Variants in UBE2O observed in about 807,000 individuals in gnomAD.
UBE2O encodes (E3-independent) E2 ubiquitin-conjugating enzyme.
A neutral mutation model predicts 125.8 loss-of-function variants in UBE2O; 15 were observed. The ratio of observed to expected loss-of-function variants is 0.12; its 90% confidence interval spans 0.08 to 0.18. UBE2O has a LOEUF of 0.18. Ranked by LOEUF, UBE2O falls within the 10% of genes least tolerant of loss-of-function variation. The pLI is 1.00. For synonymous variants in UBE2O, 708 were observed against 703.2 expected (o/e 1.01, Z -0.11); for missense variants, 1,280 against 1,723.6 (o/e 0.74, Z 4.56).
intron 3 of UBE2O, among the ~76,000 whole-genome samples, chr17:76,403,547 C>T (rs2072366417): frequency 6.6e-6 from 1 of 152,098 alleles, no homozygotes; most frequent in Non-Finnish European, 1.5e-5. Context: ...GTTGGGATTA[C>T]AGGGGTGAGC....
intron 1 of UBE2O, among the ~76,000 whole-genome samples, chr17:76,424,204 G>T (rs1318723563): frequency 6.0e-5 from 6 of 99,904 alleles, no homozygotes; most frequent in African/African-American, 2.0e-4. Context: ...CACCGCGCCC[G>T]GCCTTTTTTT....
Position 76,392,028 on chromosome 17 carries a change from A to C in UBE2O, c.3032T>G (p.Ile1011Ser), listed in dbSNP as rs577027726. 6.9e-7 allele frequency: 1 copy of C among 1,450,708 alleles called. No homozygotes were observed. Among genetic ancestry groups the C allele is most frequent in the East Asian group, 3.0e-5 (1 of 32,892 alleles). 89.9% of individuals were successfully genotyped at this position (1,450,708 alleles called of 1,614,324 possible). The change falls in exon 16 of 18, where the codon ATC (isoleucine) becomes AGC (serine). Residue 1011 changes from isoleucine to serine, a missense_variant. Ile to Ser is a moderately radical substitution (Grantham distance 142, BLOSUM62 -2). Coordinates refer to ENST00000319380, the MANE Select transcript of UBE2O (RefSeq NM_022066.4). ...LYLFDIQLPN[I>S]YPAVPPHFCY... is the part of the protein sequence containing the mutation. ...GAAGTGGGGGGGCACGGCTGGGTAG[A>C]TGTTGGGGAGCTGGATGTCAAACAA...
chr17:76,415,427 A>G (rs530473972), intron 1 of UBE2O, among the ~76,000 whole-genome samples: 73 of 152,286 alleles, frequency 4.8e-4, no homozygotes, highest in African/African-American at 1.6e-3. Context: ...TGTTTTGCTC[A>G]CCTGCCCTTC....
At chr17:76,447,762 C>T (rs957741389) in intron 1 of UBE2O, among the ~76,000 whole-genome samples, 4 of 152,176 alleles carry the variant, frequency 2.6e-5, no homozygotes, top group African/African-American at 9.7e-5. Context: ...CCTGAAACAA[C>T]CACCTTCCCC....
chr17:76,437,449 CAA>C (rs549634787), intron 1 of UBE2O, among the ~76,000 whole-genome samples: 5 of 58,374 alleles, frequency 8.6e-5, no homozygotes, highest in Non-Finnish European at 1.5e-4. Flanking sequence ...GATTCCATCT[CAA>C]AAAAAAAAAA....
chr17:76,438,863 A>G (rs921248711), intron 1 of UBE2O, among the ~76,000 whole-genome samples: 25 of 152,130 alleles, frequency 1.6e-4, no homozygotes, highest in African/African-American at 4.8e-4. Flanking sequence ...ACTCCACGCC[A>G]TGCATGCATA....
At chr17:76,420,352 G>C (rs1212967816) in intron 1 of UBE2O, among the ~76,000 whole-genome samples, 2 of 152,136 alleles carry the variant, frequency 1.3e-5, no homozygotes, top group Non-Finnish European at 2.9e-5. Context: ...GGAGCAGGGG[G>C]CTATGGAAGT....
intron 1 of UBE2O, among the ~76,000 whole-genome samples, chr17:76,446,121 G>A (rs959006826): frequency 5.9e-5 from 9 of 152,274 alleles, no homozygotes; most frequent in Non-Finnish European, 8.8e-5. Flanking sequence ...ACTCCCCATC[G>A]CCATCCAGAA....
intron 1 of UBE2O, among the ~76,000 whole-genome samples, chr17:76,442,378 G>T (rs928586779): frequency 6.6e-6 from 1 of 152,174 alleles, no homozygotes; most frequent in Admixed American, 6.5e-5. Flanking sequence ...CGGGGGGTGG[G>T]AGACAGAGTG....
rs188550576 is a variant in UBE2O, at chr17:76,429,625, G to A, written c.417+23100C>T. ...ACCCTGTGAACATAAGCAAGGCTCT[G>A]GACAGGTGAGGACCACATTAGATGG... On this transcript the variant is annotated intron_variant, in intron 1 of 17. Coordinates refer to ENST00000319380, the MANE Select transcript of UBE2O (RefSeq NM_022066.4). 1.2e-4 allele frequency among the ~76,000 whole-genome samples: 19 copies of A among 152,008 alleles called. No individual in the cohort carries two copies. In the East Asian group the frequency reaches 2.9e-3, roughly 23 times the overall value.
chr17:76,390,961 C>T lies in UBE2O; in HGVS notation c.3861G>A (p.Glu1287=), dbSNP rs769969299. The change falls in exon 18 of 18, where the codon GAG becomes GAA. Residue 1287 remains glutamate, a synonymous_variant. Coordinates refer to ENST00000319380, the MANE Select transcript of UBE2O (RefSeq NM_022066.4). ...CTGGCAGCTACTTGTCCTCTGTGCA[C>T]TCCGGCATGCCTGCCTCTAGCAGGG... ...RAALLEAGMP[E]CTEDK 19 of 1,609,704 alleles carry T rather than the reference C, an allele frequency of 1.2e-5. No homozygotes were observed. Among genetic ancestry groups the T allele is most frequent in the South Asian group, 5.5e-5 (5 of 90,394 alleles).
chr17:76,443,594 A>AT lies in UBE2O; in HGVS notation c.417+9130dup, dbSNP rs5822135. ...GTGAGCCACTGTGCCCAGTCAGAAC[A>AT]TTTTTTTTTTTTTTAAGTCCACAGA... On this transcript the variant is annotated intron_variant, in intron 1 of 17. Coordinates refer to ENST00000319380, the MANE Select transcript of UBE2O (RefSeq NM_022066.4). 1.1e-3 allele frequency among the ~76,000 whole-genome samples: 162 copies of AT among 150,074 alleles called. 2 individuals carry two copies. The highest frequency in any genetic ancestry group is 1.3e-3 in the South Asian group (6 of 4,768).
intron 1 of UBE2O, among the ~76,000 whole-genome samples, chr17:76,440,261 T>C (rs2073057668): frequency 6.6e-6 from 1 of 152,250 alleles, no homozygotes; most frequent in African/African-American, 2.4e-5. Flanking sequence ...ATATGAGTTA[T>C]ATGTTGATAT....
rs778511049 is a variant in UBE2O at position 76,390,946 on chromosome 17, C to T, written c.3876G>A (p.Lys1292=). ...CTCTTTCCTCTGTGCCTGGCAGCTA[C>T]TTGTCCTCTGTGCACTCCGGCATGC... ...EAGMPECTED[K] Residue 1292 remains lysine, a synonymous_variant, in exon 18 of 18, where the codon AAG becomes AAA. Coordinates refer to ENST00000319380, the MANE Select transcript of UBE2O (RefSeq NM_022066.4). The T allele has an allele frequency of 3.1e-6, 5 of 1,600,824 alleles. No homozygotes were observed. The Admixed American group carries it at 5.1e-5, about 16-fold the overall frequency.
intron 1 of UBE2O, among the ~76,000 whole-genome samples, chr17:76,443,898 T>A (rs150051080): frequency 1.3e-5 from 2 of 152,096 alleles, no homozygotes; most frequent in East Asian, 3.9e-4. Flanking sequence ...TCTGGTATAA[T>A]AGAACCCCAA....
chr17:76,401,880 A>AG, intron 5 of UBE2O, 184 bp downstream of exon 5: 1 of 413,250 alleles, frequency 2.4e-6, no homozygotes, highest in East Asian at 4.3e-5. Flanking sequence ...TCTCAAAAAA[A>AG]AAAAAAAAAA....
At chr17:76,408,591 T>C (rs1050565786) in intron 1 of UBE2O, among the ~76,000 whole-genome samples, 1 of 152,222 alleles carries the variant, frequency 6.6e-6, no homozygotes, top group African/African-American at 2.4e-5. Flanking sequence ...CTTCTGCTTA[T>C]GAAAGAAAGA....
In UBE2O at chr17:76,396,206, G is replaced by A; in HGVS notation, c.2731C>T (p.Gln911Ter). Reference sequence around the variant, plus strand: ...ACGCCAGGCTTGCCGCCACACTGCTGGCACAGCACCGGGGTTTCGCTGGGC... The same window carrying A: ...ACGCCAGGCTTGCCGCCACACTGCTAGCACAGCACCGGGGTTTCGCTGGGC... Reference protein sequence around the residue: ...EWPSETPVLCQQCGGKPGVTF... With the variant: ...EWPSETPVLC Residue 911 changes from glutamine (Q) to a stop codon, truncating the protein, a stop_gained, in exon 14 of 18, where the codon CAG (glutamine) becomes TAG (stop). Transcript: ENST00000319380. LOFTEE classifies it high-confidence loss of function. This position sits in a 1 kb window ranked among gnomAD's most constrained non-coding sequence, Gnocchi z 6.7. The A allele has an allele frequency of 6.2e-7, 1 of 1,614,132 alleles. No individual in the cohort carries two copies. The highest frequency in any genetic ancestry group is 8.5e-7 in the Non-Finnish European group (1 of 1,180,018).
intron 1 of UBE2O, among the ~76,000 whole-genome samples, chr17:76,423,417 G>A (rs553857141): frequency 6.6e-6 from 1 of 151,084 alleles, no homozygotes; most frequent in Non-Finnish European, 1.5e-5. Context: ...ATGAGGGCCC[G>A]GCGTGGTGGC....
Sources: allele counts gnomAD v4.1 joint callset (sites outside exome capture counted in the v4.1 genomes callset), GRCh38; gene constraint gnomAD v4.1.1; non-coding constraint Gnocchi (gnomAD v3.1); transcripts MANE v1.5; gene names NCBI Gene and HGNC (gene_info 2026-07-23, HGNC 2026-07-21).